Variants in EXOSC7 observed in about 807,000 individuals in gnomAD.
EXOSC7 encodes the protein exosome component 7.
In EXOSC7, 25 loss-of-function variants were observed where a neutral mutation model predicts 34.3. The observed-to-expected ratio is 0.73, with a 90% CI of 0.53 to 1.02. The LOEUF (loss-of-function observed/expected upper bound fraction) is 1.02. EXOSC7 is among the 50% of genes least tolerant of loss of function. The pLI is 0.00. For synonymous variants in EXOSC7, 130 were observed against 143.0 expected (o/e 0.91, Z 0.65); for missense variants, 370 against 368.5 (o/e 1.00, Z -0.03).
intron 1 of EXOSC7, among the ~76,000 whole-genome samples, chr3:44,979,105 G>A (rs1040437628): frequency 6.6e-6 from 1 of 152,286 alleles, no homozygotes; most frequent in South Asian, 2.1e-4. Context: ...GTCTTCATAA[G>A]GGCTTATTAA....
chr3:44,979,668 A>G (rs1319862557), intron 1 of EXOSC7, among the ~76,000 whole-genome samples: 1 of 152,002 alleles, frequency 6.6e-6, no homozygotes, highest in African/African-American at 2.4e-5. Context: ...GGTAGAAAAA[A>G]TGTGGTTCCT....
intron 3 of EXOSC7, 65 bp from the exon 4 acceptor site, chr3:44,997,022 C>T: frequency 1.3e-6 from 2 of 1,515,924 alleles, no homozygotes; most frequent in Non-Finnish European, 9.1e-7. Context: ...TGGAATAAAG[C>T]TTTGCCTCTT....
At chr3:45,009,592 A>G (rs1707150395) in intron 7 of EXOSC7, among the ~76,000 whole-genome samples, 1 of 151,180 alleles carries the variant, frequency 6.6e-6, no homozygotes, top group South Asian at 2.1e-4. Flanking sequence ...ACTATCGCCC[A>G]GGCTGGAGTG....
chr3:45,003,836 T>C (rs1040495587), intron 5 of EXOSC7, among the ~76,000 whole-genome samples: 2 of 152,244 alleles, frequency 1.3e-5, no homozygotes, highest in South Asian at 2.1e-4. Context: ...TGGTATCATA[T>C]ACTATGTTCT....
Position 45,007,462 on chromosome 3 carries a change from G to A in EXOSC7, c.658G>A (p.Ala220Thr). ...GGTGGATGCTACTCTTCAGGAGGAG[G>A]CCTGCTCGCTGGCCAGCTTGCTGGT... Reference protein sequence around the residue: ...HVVDATLQEEACSLASLLVSV... With the variant: ...HVVDATLQEETCSLASLLVSV... The change falls in exon 7 of 8, where the codon GCC becomes ACC. Residue 220 changes from alanine (A) to threonine (T), a missense_variant. By Grantham distance (58) the Ala-to-Thr change is moderately conservative. Transcript: ENST00000265564. 2.5e-6 allele frequency: 4 copies of A among 1,614,208 alleles called. No homozygotes were observed. The highest frequency in any genetic ancestry group is 2.5e-6 in the Non-Finnish European group (3 of 1,180,028).
rs1317432232 is a variant in EXOSC7 at position 44,987,918 on chromosome 3, A to G, written c.58-1222A>G. 2.0e-5 allele frequency among the ~76,000 whole-genome samples: 3 copies of G among 152,378 alleles called. No homozygotes were observed. In the East Asian group the frequency reaches 5.8e-4, roughly 29 times the overall value. ...GTTAGATTGGAATTGATCTATCAGT[A>G]TGAACTCTTGGCTTTTTAATAGATA... On this transcript the variant is annotated intron_variant, in intron 1 of 7. Transcript: ENST00000265564.
In EXOSC7 at chr3:45,007,012, G is replaced by A. The variant is rs562694542; in HGVS notation, c.616-408G>A. ...AGTGCTGGGAGGCATGAGCCGCTGC[G>A]CCCAGCCTTTGGCTTGTTCTTGAGT... On this transcript the variant is annotated intron_variant, in intron 6 of 7. Transcript: ENST00000265564. 6.6e-5 allele frequency among the ~76,000 whole-genome samples: 10 copies of A among 152,212 alleles called. No homozygotes were observed. The South Asian group carries it at 1.5e-3, about 22-fold the overall frequency.
At chr3:45,003,463 C>T (rs1425702830) in intron 5 of EXOSC7, among the ~76,000 whole-genome samples, 2 of 152,184 alleles carry the variant, frequency 1.3e-5, no homozygotes, top group Non-Finnish European at 2.9e-5. Flanking sequence ...CCTTACAGAA[C>T]TCCTTGGCCC....
rs561294281 is a variant in EXOSC7 at position 45,007,567 on chromosome 3, A to G, written c.763A>G (p.Met255Val). The G allele has an allele frequency of 2.5e-6, 4 of 1,607,312 alleles. No homozygotes were observed. The Admixed American group carries it at 6.7e-5, about 27-fold the overall frequency. Residue 255 changes from methionine to valine, a missense_variant, in exon 7 of 8, where the codon ATG (methionine) becomes GTG (valine). Physicochemically the swap from Met to Val is conservative, Grantham distance 21 (BLOSUM62 1). Coordinates refer to ENST00000265564, the MANE Select transcript of EXOSC7 (RefSeq NM_015004.4). ...GSLDPESIFE[M>V]METGKRVGKV... ...CCTGGACCCAGAGAGCATCTTCGAG[A>G]TGATGGAGGTGAGGCCTTAGTTCTG...
At chr3:44,989,831 A>C (rs528697286) in intron 3 of EXOSC7, among the ~76,000 whole-genome samples, 187 bp downstream of exon 3, 9 of 152,036 alleles carry the variant, frequency 5.9e-5, no homozygotes, top group Admixed American at 1.3e-4. Context: ...GTCCTGCCCT[A>C]GTCTTAACCA....
At chr3:44,996,958 A>T (rs1022982980) in intron 3 of EXOSC7, 129 bp from the exon 4 acceptor site, 5 of 911,556 alleles carry the variant, frequency 5.5e-6, no homozygotes, top group Non-Finnish European at 8.6e-6. Context: ...TCCTTTCCTC[A>T]TCTCAGTGAC....
intron 1 of EXOSC7, among the ~76,000 whole-genome samples, chr3:44,976,822 GCCTGTAATC>G (rs1480650993): frequency 6.6e-6 from 1 of 152,214 alleles, no homozygotes; most frequent in Non-Finnish European, 1.5e-5. Flanking sequence ...CGGCTAGGAC[GCCTGTAATC>G]CCAGCACTTT....
chr3:45,007,554 G>A lies in EXOSC7; in HGVS notation c.750G>A (p.Glu250=). ...RKVGKGSLDP[E]SIFEMMETGK... ...TGGGGAAGGGCAGCCTGGACCCAGAGAGCATCTTCGAGATGATGGAGGTGA... is the reference window on the plus strand; with the variant it reads ...TGGGGAAGGGCAGCCTGGACCCAGAAAGCATCTTCGAGATGATGGAGGTGA... Residue 250 remains glutamate (E), a synonymous_variant, in exon 7 of 8, where the codon GAG becomes GAA. Coordinates refer to ENST00000265564, the MANE Select transcript of EXOSC7 (RefSeq NM_015004.4). The A allele has an allele frequency of 6.2e-7, 1 of 1,610,506 alleles. No individual in the cohort carries two copies.
chr3:44,998,033 TTTTTTG>T (rs1397006464), intron 4 of EXOSC7, among the ~76,000 whole-genome samples: 31 of 151,136 alleles, frequency 2.1e-4, no homozygotes, highest in Non-Finnish European at 3.0e-4. Context: ...TTTTTTTTGT[TTTTTTG>T]TTTTTTTTTT....
intron 1 of EXOSC7, among the ~76,000 whole-genome samples, chr3:44,987,239 A>C (rs1706446898): frequency 6.6e-6 from 1 of 152,224 alleles, no homozygotes; most frequent in African/African-American, 2.4e-5. Flanking sequence ...ACCTAGGGTG[A>C]ATGGGAAGAA....
At chr3:45,009,853 G>C (rs564963383) in intron 7 of EXOSC7, among the ~76,000 whole-genome samples, 2 of 152,224 alleles carry the variant, frequency 1.3e-5, no homozygotes, top group South Asian at 2.1e-4. Flanking sequence ...GCCCCCGAAG[G>C]CCTTTTTGAC....
At chr3:45,006,036 A>C (rs1043855647) in intron 6 of EXOSC7, among the ~76,000 whole-genome samples, 1 of 149,066 alleles carries the variant, frequency 6.7e-6, no homozygotes, top group Non-Finnish European at 1.5e-5. Flanking sequence ...TGAAGTGTTC[A>C]GACAACAGGA....
chr3:45,003,693 G>C (rs1388772357), intron 5 of EXOSC7, among the ~76,000 whole-genome samples: 1 of 152,112 alleles, frequency 6.6e-6, no homozygotes, highest in African/African-American at 2.4e-5. Context: ...GTGTTTTTCA[G>C]TACCCAGCTG....
intron 4 of EXOSC7, among the ~76,000 whole-genome samples, chr3:44,998,024 T>C (rs1706770240): frequency 6.7e-6 from 1 of 150,134 alleles, no homozygotes; most frequent in African/African-American, 2.5e-5. Flanking sequence ...CTAATTAATT[T>C]TTTTTTGTTT....
Sources: gnomAD v4.1 joint callset for allele counts (sites outside exome capture counted in the v4.1 genomes callset) on GRCh38, gnomAD v4.1.1 for gene constraint, MANE v1.5 for transcripts, NCBI Gene and HGNC (gene_info 2026-07-23, HGNC 2026-07-21) for gene names.